PPHLN1: variants seen among roughly 807,000 people sequenced by gnomAD.
The protein encoded by PPHLN1 is periphilin-1.
A neutral mutation model predicts 51.3 loss-of-function variants in PPHLN1; 29 were observed. The observed-to-expected ratio is 0.57, with a 90% CI of 0.42 to 0.77. The LOEUF (loss-of-function observed/expected upper bound fraction) is 0.77. Ranked by LOEUF, PPHLN1 falls within the 30% of genes least tolerant of loss-of-function variation. The probability of loss-of-function intolerance (pLI) is 0.00; values close to 1 mark genes in which losing one functional copy is unlikely to be tolerated. For missense variants in PPHLN1, 436 were observed against 438.4 expected, an observed-to-expected ratio of 0.99 and a Z score of 0.05; for synonymous variants, 147 against 147.8, an observed-to-expected ratio of 0.99 and a Z score of 0.04.
At chr12:42,381,459 G>A (rs930642551) in intron 5 of PPHLN1, among the ~76,000 whole-genome samples, 1 of 152,166 alleles carries the variant, frequency 6.6e-6, no homozygotes, top group Admixed American at 6.6e-5. Context: ...ATGTGTTAAA[G>A]GAGAACTCTA....
chr12:42,424,123 G>T (rs567474703), intron 9 of PPHLN1, among the ~76,000 whole-genome samples: 38 of 152,320 alleles, frequency 2.5e-4, no homozygotes, highest in African/African-American at 8.7e-4. Context: ...CTGCTGATAG[G>T]CAGATAGGCT....
intron 9 of PPHLN1, among the ~76,000 whole-genome samples, chr12:42,407,092 T>C (rs2079381848): frequency 6.6e-6 from 1 of 152,232 alleles, no homozygotes; most frequent in Non-Finnish European, 1.5e-5. Flanking sequence ...TTCATTATTA[T>C]AGCTTTTATA....
intron 2 of PPHLN1, among the ~76,000 whole-genome samples, chr12:42,342,939 C>T (rs1489921695): frequency 6.6e-6 from 1 of 152,150 alleles, no homozygotes; most frequent in Non-Finnish European, 1.5e-5. Context: ...TTGTTTATTT[C>T]TCTCTCCTAG....
rs1016125244 is a variant in PPHLN1, at chr12:42,441,876, T to C, written c.*367T>C. ...TCTGAGTTGTGATTTTATTGACTTG[T>C]TGCTTGCTTTTTCTTAGGCTTTGTA... On this transcript the variant is annotated 3_prime_UTR_variant, in exon 10 of 10. Transcript: ENST00000358314. 1 of 1,002,044 alleles carries C rather than the reference T, an allele frequency of 1.0e-6. No homozygotes were observed. Among genetic ancestry groups the C allele is most frequent in the Non-Finnish European group, 1.2e-6 (1 of 841,130 alleles). The allele number at this position is 1,002,044 out of a possible 1,614,324, so 62.1% of individuals were successfully genotyped here. A position where few individuals can be genotyped will look rare whatever the true frequency, so the allele number is the denominator to read the frequency against.
intron 9 of PPHLN1, among the ~76,000 whole-genome samples, chr12:42,402,136 G>A (rs988184171): frequency 1.3e-5 from 2 of 152,174 alleles, no homozygotes; most frequent in African/African-American, 4.8e-5. Context: ...ACCGCACCCG[G>A]CCCATTCTGA....
Position 42,441,591 on chromosome 12 carries a change from G to A in PPHLN1, c.*82G>A, listed in dbSNP as rs964509574. On this transcript the variant is annotated 3_prime_UTR_variant, in exon 10 of 10. Transcript: ENST00000358314. ...GGATTGTGTAAATCCTTAATATATG[G>A]AATTTTTGTGATGCAGAGAAATACT... The A allele has an allele frequency of 7.3e-7, 1 of 1,371,714 alleles. No homozygotes were observed. Among genetic ancestry groups the A allele is most frequent in the Non-Finnish European group, 9.5e-7 (1 of 1,057,226 alleles). 85.0% of individuals were successfully genotyped at this position (1,371,714 alleles called of 1,614,324 possible).
chr12:42,355,411 T>C (rs527745111), intron 4 of PPHLN1, 189 bp downstream of exon 4: 1 of 499,384 alleles, frequency 2.0e-6, no homozygotes, highest in South Asian at 2.4e-5. Flanking sequence ...GTTCCACATC[T>C]CTTGGCATTT....
At chr12:42,439,817 T>C (rs2082793852) in intron 9 of PPHLN1, among the ~76,000 whole-genome samples, 2 of 152,168 alleles carry the variant, frequency 1.3e-5, no homozygotes, top group Non-Finnish European at 2.9e-5. Context: ...GAGCCACCTT[T>C]ACAGTAAGTT....
rs1565869262 is a variant in PPHLN1, at chr12:42,375,070, T to C, written c.507T>C (p.His169=). 7.5e-6 allele frequency: 12 copies of C among 1,598,388 alleles called. No individual in the cohort carries two copies. The highest frequency in any genetic ancestry group is 1.0e-5 in the Non-Finnish European group (12 of 1,170,246). Residue 169 remains histidine, a synonymous_variant, in exon 5 of 10, where the codon CAT becomes CAC. Coordinates refer to ENST00000358314, the MANE Select transcript of PPHLN1 (RefSeq NM_201439.2). ...SKSYSFHQSQ[H]RKSVRPGASY... ...CATACTCTTTCCATCAGTCTCAACA[T>C]AGAAGTATGTATTTTAAGACTTTAT...
intron 9 of PPHLN1, chr12:42,433,435 G>C: frequency 3.5e-6 from 1 of 289,302 alleles, no homozygotes; most frequent in Non-Finnish European, 6.6e-6. Context: ...CCATTCTCCT[G>C]CCTCAGTCTC....
intron 1 of PPHLN1, among the ~76,000 whole-genome samples, chr12:42,332,473 T>A (rs1172700155): frequency 6.6e-6 from 1 of 152,192 alleles, no homozygotes; most frequent in East Asian, 1.9e-4. Context: ...GTTATTATAA[T>A]TTTGTTCTTA....
At chr12:42,350,056 G>A (rs1169826021) in intron 2 of PPHLN1, 3 of 150,750 alleles carry the variant, frequency 2.0e-5, no homozygotes, top group Admixed American at 6.6e-5. Flanking sequence ...CAGACAGGGC[G>A]GCTGCCGGGC....
intron 9 of PPHLN1, among the ~76,000 whole-genome samples, chr12:42,421,975 A>G (rs535003644): frequency 6.6e-5 from 10 of 152,300 alleles, no homozygotes; most frequent in African/African-American, 2.4e-4. Flanking sequence ...AAACTGCTAG[A>G]AAGAAAGCTG....
chr12:42,326,754 C>T (rs1565704092), intron 1 of PPHLN1, among the ~76,000 whole-genome samples: 1 of 152,184 alleles, frequency 6.6e-6, no homozygotes, highest in Non-Finnish European at 1.5e-5. Flanking sequence ...TGGCTACGCA[C>T]TGCTTTTTCT....
chr12:42,373,043 G>C (rs1454170034), intron 4 of PPHLN1, among the ~76,000 whole-genome samples: 3 of 152,092 alleles, frequency 2.0e-5, no homozygotes, highest in African/African-American at 7.2e-5. Flanking sequence ...CTCTTGCCTG[G>C]ACTAAGTTAG....
chr12:42,360,455 ATTCT>A (rs1565821223), intron 4 of PPHLN1, among the ~76,000 whole-genome samples: 2 of 111,810 alleles, frequency 1.8e-5, no homozygotes, highest in African/African-American at 7.7e-5. Flanking sequence ...GTGATGCTGA[ATTCT>A]TTTTTTTTTT....
chr12:42,384,820 G>T, intron 5 of PPHLN1, 120 bp from the exon 6 acceptor site: 1 of 888,186 alleles, frequency 1.1e-6, no homozygotes, highest in East Asian at 2.6e-5. Flanking sequence ...AAAGAGTTTA[G>T]GGCCACCAGA....
At chr12:42,441,112 A>T (rs1566046090) in intron 9 of PPHLN1, among the ~76,000 whole-genome samples, 1 of 152,168 alleles carries the variant, frequency 6.6e-6, no homozygotes, top group Admixed American at 6.5e-5. Flanking sequence ...TTTCCTTCTC[A>T]TTCAGGTATT....
intron 8 of PPHLN1, among the ~76,000 whole-genome samples, chr12:42,393,896 T>A (rs2077962784): frequency 6.6e-6 from 1 of 152,088 alleles, no homozygotes; most frequent in Non-Finnish European, 1.5e-5. Context: ...TCCTGTAGTT[T>A]TGGTGTGTAA....
Sources: gnomAD v4.1 joint callset for allele counts (sites outside exome capture counted in the v4.1 genomes callset) on GRCh38, gnomAD v4.1.1 for gene constraint, MANE v1.5 for transcripts, NCBI Gene and HGNC (gene_info 2026-07-23, HGNC 2026-07-21) for gene names.